PAFAH2: variants seen among roughly 807,000 people sequenced by gnomAD.
PAFAH2 encodes the protein platelet-activating factor acetylhydrolase 2, cytoplasmic.
A neutral mutation model predicts 49.0 loss-of-function variants in PAFAH2; 42 were observed. The ratio of observed to expected loss-of-function variants is 0.86; its 90% CI spans 0.67 to 1.11. The LOEUF (loss-of-function observed/expected upper bound fraction) is 1.11. Ranked by LOEUF, PAFAH2 falls within the 50% of genes least tolerant of loss-of-function variation. The pLI is 0.00. For missense variants in PAFAH2, 503 were observed against 501.8 expected, an observed-to-expected ratio of 1.00 and a Z score of -0.02; for synonymous variants, 184 against 181.3, an observed-to-expected ratio of 1.01 and a Z score of -0.12.
chr1:25,977,147 C>T (rs1433337971), intron 7 of PAFAH2, among the ~76,000 whole-genome samples: 1 of 150,320 alleles, frequency 6.7e-6, no homozygotes, highest in South Asian at 2.1e-4. Flanking sequence ...CTCAGCCTCC[C>T]GAGTAGCTGG....
At position 25,961,987 on chromosome 1, in the gene PAFAH2, G is replaced by A; in HGVS notation, c.*2C>T. ...AGTGACTTTACAAATGGCCAGTTGT[G>A]CCTACAGGCTGGACAGATGGTGGGG... On this transcript the variant is annotated 3_prime_UTR_variant, in exon 11 of 11. Coordinates refer to ENST00000374282, the MANE Select transcript of PAFAH2 (RefSeq NM_000437.4). 3.1e-6 allele frequency: 5 copies of A among 1,612,248 alleles called. No individual in the cohort carries two copies. The highest frequency in any genetic ancestry group is 2.5e-6 in the Non-Finnish European group (3 of 1,178,600).
At chr1:25,978,857 A>C (rs2049636786) in intron 7 of PAFAH2, among the ~76,000 whole-genome samples, 1 of 152,200 alleles carries the variant, frequency 6.6e-6, no homozygotes, top group Non-Finnish European at 1.5e-5. Context: ...GCGTTTACAC[A>C]CTCTAGCAAT....
chr1:25,974,524 CT>C lies in PAFAH2; in HGVS notation c.884del (p.Lys295ArgfsTer13). 1 of 1,614,074 alleles carries C rather than the reference CT, an allele frequency of 6.2e-7. No individual in the cohort carries two copies. The highest frequency in any genetic ancestry group is 2.2e-5 in the East Asian group (1 of 44,882). ...FQTMESVNLMKKICAQHEQSR... is the reference protein window; with the variant it reads ...FQTMESVNLMXKICAQHEQSR... ...ACTGTTCATGCTGGGCACATATCTT[CT>C]TCATCAAATTGACACTCTCCATTGT... On this transcript the variant is annotated frameshift_variant, in exon 9 of 11. Transcript: ENST00000374282. LOFTEE classifies it high-confidence loss of function.
chr1:25,980,873 T>C (rs928678931), intron 7 of PAFAH2, among the ~76,000 whole-genome samples: 26 of 151,620 alleles, frequency 1.7e-4, no homozygotes, highest in Non-Finnish European at 2.9e-5. Context: ...AAAAATTAGC[T>C]GGGCATGGTG....
chr1:25,980,425 T>C (rs1282737412), intron 7 of PAFAH2, among the ~76,000 whole-genome samples: 1 of 151,284 alleles, frequency 6.6e-6, no homozygotes, highest in Non-Finnish European at 1.5e-5. Context: ...TGGGTTCAAG[T>C]GATTCTCCTG....
intron 10 of PAFAH2, among the ~76,000 whole-genome samples, chr1:25,963,230 C>T (rs761849690): frequency 1.3e-5 from 2 of 152,190 alleles, no homozygotes; most frequent in Non-Finnish European, 2.9e-5. Flanking sequence ...TGTATAAGTA[C>T]TACATAGTCA....
Position 25,972,609 on chromosome 1 carries a change from C to T in PAFAH2, c.1033G>A (p.Gly345Arg). Reference protein sequence around the residue: ...ETRGSLDPYEGQEVMVRAMLA... With the variant: ...ETRGSLDPYERQEVMVRAMLA... ...ATGGCCCGTACCATAACCTCCTGCC[C>T]TTCATAGGGGTCCAGGCTCCCACGG... Residue 345 changes from glycine to arginine, a missense_variant, in exon 10 of 11, where the codon GGG becomes AGG. By Grantham distance (125) the Gly-to-Arg change is moderately radical. Coordinates refer to ENST00000374282, the MANE Select transcript of PAFAH2 (RefSeq NM_000437.4). The T allele has an allele frequency of 6.2e-7, 1 of 1,613,968 alleles. No individual in the cohort carries two copies. Among genetic ancestry groups the T allele is most frequent in the East Asian group, 2.2e-5 (1 of 44,884 alleles).
At position 25,989,579 on chromosome 1, in the gene PAFAH2, T is replaced by C. The variant is rs767934731; in HGVS notation, c.113A>G (p.Tyr38Cys). 2 of 1,596,486 alleles carry C rather than the reference T, an allele frequency of 1.3e-6. No homozygotes were observed. The change falls in exon 3 of 11, where the codon TAC (tyrosine) becomes TGC (cysteine). Residue 38 changes from tyrosine to cysteine, a missense_variant. By Grantham distance (194) the Tyr-to-Cys change is radical. Coordinates refer to ENST00000374282, the MANE Select transcript of PAFAH2 (RefSeq NM_000437.4). Reference sequence around the variant, plus strand: ...GGTCTCCTCTGCCTTTTGGCAGGGGTAGAAGAGTCGAAAGAAGCTCCCCTG... The same window carrying C: ...GGTCTCCTCTGCCTTTTGGCAGGGGCAGAAGAGTCGAAAGAAGCTCCCCTG... ...NLQGSFFRLF[Y>C]PCQKAEETME...
In PAFAH2 at chr1:25,961,667, G is replaced by A. The variant is rs567516222; in HGVS notation, c.*322C>T. The stretch of plus-strand genomic sequence containing the variant: ...CGGGGGTAAGGGAATGAGCTTCGCT[G>A]GGCTGAGTCTTCACATCCAGGCCTC... On this transcript the variant is annotated 3_prime_UTR_variant, in exon 11 of 11. Coordinates refer to ENST00000374282, the MANE Select transcript of PAFAH2 (RefSeq NM_000437.4). 2.3e-5 allele frequency: 5 copies of A among 220,846 alleles called. No homozygotes were observed. In the East Asian group the frequency reaches 5.2e-4, roughly 23 times the overall value. The allele number at this position is 220,846 out of a possible 1,614,324, so 13.7% of individuals were successfully genotyped here.
At chr1:25,976,618 A>G in intron 8 of PAFAH2, 64 bp downstream of exon 8, 1 of 1,215,192 alleles carries the variant, frequency 8.2e-7, no homozygotes, top group Admixed American at 1.7e-5. Context: ...TTGTGTAACA[A>G]ATACTTTCTA....
chr1:25,968,384 T>C (rs2049459907), intron 10 of PAFAH2, among the ~76,000 whole-genome samples: 1 of 152,004 alleles, frequency 6.6e-6, no homozygotes, highest in African/African-American at 2.4e-5. Flanking sequence ...GCTTCCATTT[T>C]CTTGGTGAAG....
intron 10 of PAFAH2, among the ~76,000 whole-genome samples, chr1:25,965,344 G>C (rs942255059): frequency 9.9e-5 from 15 of 152,192 alleles, no homozygotes; most frequent in Admixed American, 7.2e-4. Flanking sequence ...ATTGGCTCAC[G>C]CAAAGAATTC....
intron 1 of PAFAH2, among the ~76,000 whole-genome samples, chr1:25,994,190 G>A (rs139997861): frequency 1.5e-4 from 22 of 144,972 alleles, no homozygotes; most frequent in African/African-American, 4.5e-4. Context: ...CTCCCAGGCT[G>A]GAGTGCAGTG....
At chr1:25,969,588 G>A (rs2049476380) in intron 10 of PAFAH2, among the ~76,000 whole-genome samples, 1 of 152,136 alleles carries the variant, frequency 6.6e-6, no homozygotes, top group African/African-American at 2.4e-5. Context: ...AATAATAAAG[G>A]TATCTACTGG....
At chr1:25,968,762 CTG>C (rs2049465363) in intron 10 of PAFAH2, among the ~76,000 whole-genome samples, 2 of 152,168 alleles carry the variant, frequency 1.3e-5, no homozygotes, top group African/African-American at 4.8e-5. Context: ...CAGGGTCTCA[CTG>C]TGTTACCCAG....
chr1:25,968,658 G>A (rs1321616520), intron 10 of PAFAH2, among the ~76,000 whole-genome samples: 2 of 152,144 alleles, frequency 1.3e-5, no homozygotes, highest in East Asian at 3.8e-4. Context: ...TTTCCCATGT[G>A]ACAATGTACT....
At chr1:25,990,681 C>T (rs904545206) in intron 2 of PAFAH2, 46 bp downstream of exon 2, 11 of 1,461,060 alleles carry the variant, frequency 7.5e-6, no homozygotes, top group East Asian at 6.8e-5. Flanking sequence ...GTCACGGTGC[C>T]GGCAGAAGCA....
chr1:25,981,767 T>A (rs2049691748), intron 7 of PAFAH2, among the ~76,000 whole-genome samples: 1 of 152,164 alleles, frequency 6.6e-6, no homozygotes, highest in Non-Finnish European at 1.5e-5. Context: ...ACGCCTGTAA[T>A]CCCAGCACTT....
intron 7 of PAFAH2, among the ~76,000 whole-genome samples, chr1:25,981,335 G>T (rs2049684845): frequency 8.0e-6 from 1 of 125,074 alleles, no homozygotes; most frequent in Non-Finnish European, 1.6e-5. Context: ...TTGGTTCTCT[G>T]AATACAGCCG....
Sources: allele counts gnomAD v4.1 joint callset (sites outside exome capture counted in the v4.1 genomes callset), GRCh38; gene constraint gnomAD v4.1.1; transcripts MANE v1.5; gene names NCBI Gene and HGNC (gene_info 2026-07-23, HGNC 2026-07-21).